The following DZIP1L variants were observed in gnomAD, a reference collection of about 807,000 sequenced individuals.
DZIP1L encodes the protein cilium assembly protein DZIP1L.
Under a neutral mutation model 88.7 loss-of-function variants are expected in DZIP1L, and 90 were observed. The observed-to-expected ratio is 1.02, with a 90% CI of 0.86 to 1.21. The LOEUF is 1.21. DZIP1L is among the 50% of genes most tolerant of loss of function. The probability of loss-of-function intolerance (pLI) is 0.00; values close to 1 mark genes in which losing one functional copy is unlikely to be tolerated. For missense variants in DZIP1L, 932 were observed against 955.8 expected (o/e 0.98, Z 0.33); for synonymous variants, 363 against 372.1 (o/e 0.98, Z 0.28).
At chr3:138,098,466 T>C (rs1944577694) in intron 2 of DZIP1L, among the ~76,000 whole-genome samples, 1 of 152,230 alleles carries the variant, frequency 6.6e-6, no homozygotes, top group Admixed American at 6.5e-5. Flanking sequence ...ATCCCTCTCC[T>C]AAGACATTTT....
At chr3:138,091,550 G>A (rs981365954) in intron 5 of DZIP1L, among the ~76,000 whole-genome samples, 5 of 150,672 alleles carry the variant, frequency 3.3e-5, no homozygotes, top group Non-Finnish European at 5.9e-5. Context: ...CCCAGGAGAC[G>A]GAAGTTGCGG....
At position 138,063,375 on chromosome 3, in the gene DZIP1L, C is replaced by T. The variant is rs1388766392; in HGVS notation, c.2143-398G>A. 2.0e-5 allele frequency among the ~76,000 whole-genome samples: 3 copies of T among 152,196 alleles called. No individual in the cohort carries two copies. Among genetic ancestry groups the T allele is most frequent in the African/African-American group, 4.8e-5 (2 of 41,446 alleles). On this transcript the variant is annotated intron_variant, in intron 15 of 15. Transcript: ENST00000327532. The surrounding 1 kb of genome is among the most constrained non-coding windows in gnomAD (Gnocchi z 4.1). ...CTGAATGCACTGTGGGCTAATGACC[C>T]GCCTCCTCTCAGACAGGTTCCCTCA... is the stretch of plus-strand genomic sequence containing the variant.
chr3:138,092,778 T>C (rs1379610523), intron 4 of DZIP1L, among the ~76,000 whole-genome samples: 3 of 152,200 alleles, frequency 2.0e-5, no homozygotes, highest in Non-Finnish European at 1.5e-5. Context: ...CTTTATTTGC[T>C]CATCCATAAG....
At chr3:138,068,081 C>A in intron 13 of DZIP1L, 70 bp downstream of exon 13, 1 of 1,341,894 alleles carries the variant, frequency 7.5e-7, no homozygotes, top group Non-Finnish European at 9.7e-7. Flanking sequence ...GGAGGGAGCC[C>A]AGAACAGGAC....
chr3:138,080,276 G>T (rs73867012), intron 10 of DZIP1L: 4 of 283,492 alleles, frequency 1.4e-5, no homozygotes, highest in Non-Finnish European at 2.8e-5. Context: ...TGAATCAGAC[G>T]TCCCTCCAAA....
chr3:138,063,018 G>A lies in DZIP1L; in HGVS notation c.2143-41C>T. ...GGGAGAAGAAAATGCATTTTGATAA[G>A]GGAGGAGGGTGGCTGAGAGCTAAGC... On this transcript the variant is annotated intron_variant, in intron 15 of 15. Coordinates refer to ENST00000327532, the MANE Select transcript of DZIP1L (RefSeq NM_173543.3). The surrounding 1 kb of genome is among the most constrained non-coding windows in gnomAD (Gnocchi z 4.1). 1 of 1,606,432 alleles carries A rather than the reference G, an allele frequency of 6.2e-7. No homozygotes were observed. The highest frequency in any genetic ancestry group is 2.2e-5 in the East Asian group (1 of 44,798).
rs56146259 is a variant in DZIP1L, at chr3:138,106,127, CTTTTTTTTTTTTTTT to C, written c.-81-2090_-81-2076del. ...GAGATTACATGATTCAGTCTTCTTT[CTTTTTTTTTTTTTTT>C]TTTTTTTTTTTTTTGAGACAGTGTC... On this transcript the variant is annotated intron_variant, in intron 1 of 15. Transcript: ENST00000327532. 3.1e-4 allele frequency among the ~76,000 whole-genome samples: 20 copies of C among 64,534 alleles called. No individual in the cohort carries two copies. The East Asian group carries it at 9.6e-3, about 31-fold the overall frequency. 42.3% of individuals were successfully genotyped at this position (64,534 alleles called of 152,430 possible).
intron 1 of DZIP1L, among the ~76,000 whole-genome samples, chr3:138,112,061 G>A (rs1030927704): frequency 6.6e-6 from 1 of 151,196 alleles, no homozygotes; most frequent in African/African-American, 2.4e-5. Context: ...ATGATGATAT[G>A]ATGATAGTAT....
Position 138,086,992 on chromosome 3 carries a change from A to T in DZIP1L, c.1031T>A (p.Leu344Gln). The T allele has an allele frequency of 6.2e-7, 1 of 1,614,196 alleles. No homozygotes were observed. Among genetic ancestry groups the T allele is most frequent in the Non-Finnish European group, 8.5e-7 (1 of 1,180,026 alleles). The change falls in exon 7 of 16, where the codon CTG becomes CAG. Residue 344 changes from leucine (L) to glutamine (Q), a missense_variant. Physicochemically the swap from Leu to Gln is moderately radical, Grantham distance 113. Coordinates refer to ENST00000327532, the MANE Select transcript of DZIP1L (RefSeq NM_173543.3). ...CTTCTCAGCCATGTGCTCTTCATGC[A>T]GTTCCTTCACTTTTCTTTTCCACTC... is the stretch of plus-strand genomic sequence containing the variant. Reference protein sequence around the residue: ...KTEWKRKVKELHEEHMAEKKE... With the variant: ...KTEWKRKVKEQHEEHMAEKKE...
At chr3:138,099,801 G>T (rs1944642672) in intron 2 of DZIP1L, among the ~76,000 whole-genome samples, 1 of 152,152 alleles carries the variant, frequency 6.6e-6, no homozygotes, top group South Asian at 2.1e-4. Flanking sequence ...CTTCCACCAG[G>T]AGTGAAAGCA....
At chr3:138,085,422 C>T (rs2107787502) in intron 7 of DZIP1L, among the ~76,000 whole-genome samples, 2 of 152,238 alleles carry the variant, frequency 1.3e-5, no homozygotes, top group South Asian at 4.1e-4. Flanking sequence ...AAAAAACAAA[C>T]AACCCCATCA....
chr3:138,110,861 G>A (rs561007832), intron 1 of DZIP1L, among the ~76,000 whole-genome samples: 7 of 152,256 alleles, frequency 4.6e-5, no homozygotes, highest in Admixed American at 1.3e-4. Context: ...AACAGAGAGA[G>A]GAAACAAACA....
intron 10 of DZIP1L, among the ~76,000 whole-genome samples, chr3:138,078,160 G>C (rs1943498376): frequency 6.6e-6 from 1 of 152,176 alleles, no homozygotes; most frequent in African/African-American, 2.4e-5. Flanking sequence ...CTGACCTGAG[G>C]CTAGCAAAAT....
intron 11 of DZIP1L, among the ~76,000 whole-genome samples, chr3:138,077,041 A>G (rs1395358338): frequency 2.6e-5 from 4 of 152,152 alleles, no homozygotes; most frequent in Admixed American, 1.3e-4. Context: ...AAAACAAATA[A>G]TTGGTGTCAG....
intron 5 of DZIP1L, among the ~76,000 whole-genome samples, chr3:138,090,197 G>A (rs1944143299): frequency 1.3e-5 from 2 of 152,050 alleles, no homozygotes; most frequent in East Asian, 1.9e-4. Flanking sequence ...AAGATAGCAT[G>A]TTCCAGTTTA....
In DZIP1L at chr3:138,097,860, G is replaced by C. The variant is rs1235737597; in HGVS notation, c.502-13C>G. On this transcript the variant is annotated splice_polypyrimidine_tract_variant and intron_variant, in intron 2 of 15. Coordinates refer to ENST00000327532, the MANE Select transcript of DZIP1L (RefSeq NM_173543.3). Reference sequence around the variant, plus strand: ...CACACAGGTGGCACTATACAGAGAGGAAGCAATGGGGAGTACAAGATTAGG... The same window carrying C: ...CACACAGGTGGCACTATACAGAGAGCAAGCAATGGGGAGTACAAGATTAGG... 6.2e-7 allele frequency: 1 copy of C among 1,606,064 alleles called. No individual in the cohort carries two copies. The highest frequency in any genetic ancestry group is 1.7e-5 in the Admixed American group (1 of 59,130).
At chr3:138,064,470 C>G (rs752853034) in intron 15 of DZIP1L, 158 bp downstream of exon 15, 393 of 1,605,232 alleles carry the variant, frequency 2.4e-4, no homozygotes, top group Non-Finnish European at 3.2e-4. Context: ...GGCCATCTCT[C>G]CATGTGCACA....
intron 6 of DZIP1L, among the ~76,000 whole-genome samples, chr3:138,087,990 T>C (rs1559844290): frequency 6.6e-6 from 1 of 152,166 alleles, no homozygotes; most frequent in Non-Finnish European, 1.5e-5. Flanking sequence ...ATGCTACAAA[T>C]TAAAGCTTTT....
At position 138,094,933 on chromosome 3, in the gene DZIP1L, G is replaced by T; in HGVS notation, c.637C>A (p.Arg213=). Residue 213 remains arginine (R), a synonymous_variant, in exon 4 of 16, where the codon CGG becomes AGG. Coordinates refer to ENST00000327532, the MANE Select transcript of DZIP1L (RefSeq NM_173543.3). ...QPVEEVLEEL[R]AKLKWTQGEL... Reference sequence around the variant, plus strand: ...CCTTGGGTCCACTTTAGCTTGGCCCGTAGCTCTTCTAACACCTCTTCCACT... The same window carrying T: ...CCTTGGGTCCACTTTAGCTTGGCCCTTAGCTCTTCTAACACCTCTTCCACT... 6.2e-7 allele frequency: 1 copy of T among 1,614,224 alleles called. No homozygotes were observed. The highest frequency in any genetic ancestry group is 8.5e-7 in the Non-Finnish European group (1 of 1,180,038).
Sources: gnomAD v4.1 joint callset for allele counts (sites outside exome capture counted in the v4.1 genomes callset) on GRCh38, gnomAD v4.1.1 for gene constraint, Gnocchi (gnomAD v3.1) non-coding constraint, MANE v1.5 for transcripts, NCBI Gene and HGNC (gene_info 2026-07-23, HGNC 2026-07-21) for gene names.